RANBP2: variants seen among roughly 807,000 people sequenced by gnomAD.
RANBP2 encodes E3 SUMO-protein ligase RanBP2.
In RANBP2, 57 loss-of-function variants were observed where a neutral mutation model predicts 303.6. That is an observed-to-expected ratio of 0.19 (90% CI 0.15 to 0.23). The LOEUF (loss-of-function observed/expected upper bound fraction) is 0.23. Ranked by LOEUF, RANBP2 falls within the 10% of genes least tolerant of loss-of-function variation. The pLI, the probability that RANBP2 is intolerant of heterozygous loss-of-function variation, is 1.00. For synonymous variants in RANBP2, 1,167 were observed against 1,301.5 expected (o/e 0.90, Z 2.23); for missense variants, 3,138 against 3,780.8 (o/e 0.83, Z 4.46).
At chr2:109,716,636 T>G in the RANBP2 span, among the ~76,000 whole-genome samples, 2 of 152,140 alleles carry the variant, frequency 1.3e-5, no homozygotes, top group East Asian at 3.9e-4. Context: ...AGCCTCCACC[T>G]CCCAGGCTCA....
At chr2:109,229,441 T>A in the RANBP2 span, among the ~76,000 whole-genome samples, 1 of 152,238 alleles carries the variant, frequency 6.6e-6, no homozygotes, top group Non-Finnish European at 1.5e-5. Flanking sequence ...AGCTGTCATG[T>A]CTCCATGGAC....
the RANBP2 span, among the ~76,000 whole-genome samples, chr2:109,404,836 C>T: frequency 6.6e-6 from 1 of 152,176 alleles, no homozygotes; most frequent in African/African-American, 2.4e-5. Context: ...ATGCCCTGTC[C>T]AGCATCCTCC....
the RANBP2 span, among the ~76,000 whole-genome samples, chr2:108,934,713 ACT>A: frequency 6.6e-6 from 1 of 152,004 alleles, no homozygotes; most frequent in African/African-American, 2.4e-5. Flanking sequence ...TAACCAGCCC[ACT>A]CTCGAGATAA....
chr2:108,793,746 G>A, the RANBP2 span, among the ~76,000 whole-genome samples: 1 of 151,626 alleles, frequency 6.6e-6, no homozygotes, highest in Non-Finnish European at 1.5e-5. Flanking sequence ...ACAGGCACCC[G>A]CCATCACGCC....
chr2:109,325,339 T>C, the RANBP2 span, among the ~76,000 whole-genome samples: 84 of 129,840 alleles, frequency 6.5e-4, no homozygotes, highest in Middle Eastern at 3.7e-3. Flanking sequence ...TTCTTTTTTT[T>C]TTTTTTTTTT....
the RANBP2 span, among the ~76,000 whole-genome samples, chr2:109,365,514 C>T: frequency 6.6e-6 from 1 of 152,116 alleles, no homozygotes; most frequent in African/African-American, 2.4e-5. Context: ...GTTTGTTCAG[C>T]TTTTTTACTC....
At chr2:109,112,480 G>C in the RANBP2 span, among the ~76,000 whole-genome samples, 3 of 152,216 alleles carry the variant, frequency 2.0e-5, no homozygotes, top group East Asian at 3.9e-4. Flanking sequence ...TGATGGGGTT[G>C]TTTGTTTTTT....
the RANBP2 span, among the ~76,000 whole-genome samples, chr2:109,493,608 C>T: frequency 1.3e-5 from 2 of 151,340 alleles, no homozygotes; most frequent in Non-Finnish European, 2.9e-5. Flanking sequence ...AAACCACACA[C>T]ACTGCAAACN....
chr2:109,072,927 C>A, the RANBP2 span, among the ~76,000 whole-genome samples: 1 of 151,884 alleles, frequency 6.6e-6, no homozygotes, highest in African/African-American at 2.4e-5. Flanking sequence ...TGAGAGGCAC[C>A]CAGACTCTCT....
At chr2:109,109,421 G>A in the RANBP2 span, among the ~76,000 whole-genome samples, 1 of 152,180 alleles carries the variant, frequency 6.6e-6, no homozygotes, top group African/African-American at 2.4e-5. Flanking sequence ...TTTCATTCAG[G>A]ACCTTAATGG....
chr2:109,404,079 G>A, the RANBP2 span, among the ~76,000 whole-genome samples: 2 of 152,200 alleles, frequency 1.3e-5, no homozygotes, highest in Non-Finnish European at 2.9e-5. Context: ...CCCATCTCTG[G>A]CTTGGTGCTG....
At chr2:109,016,047 C>T in the RANBP2 span, among the ~76,000 whole-genome samples, 1 of 152,062 alleles carries the variant, frequency 6.6e-6, no homozygotes, top group Non-Finnish European at 1.5e-5. Flanking sequence ...TTATTTTCTT[C>T]ACAGTTGTGG....
At chr2:109,466,736 T>G in the RANBP2 span, among the ~76,000 whole-genome samples, 34 of 152,344 alleles carry the variant, frequency 2.2e-4, no homozygotes, top group African/African-American at 7.0e-4. Context: ...CAATTCATTC[T>G]GAGTGTGTGC....
the RANBP2 span, among the ~76,000 whole-genome samples, chr2:109,366,398 T>A: frequency 1.3e-5 from 2 of 152,180 alleles, no homozygotes; most frequent in African/African-American, 4.8e-5. Context: ...TAGACTAAAT[T>A]AAGTGGAAAA....
the RANBP2 span, among the ~76,000 whole-genome samples, chr2:109,060,524 C>T: frequency 6.6e-5 from 10 of 152,216 alleles, no homozygotes; most frequent in African/African-American, 2.4e-4. Flanking sequence ...TTGCTTTTGT[C>T]TCTCTATAGC....
chr2:109,030,281 T>C, the RANBP2 span, among the ~76,000 whole-genome samples: 1 of 152,170 alleles, frequency 6.6e-6, no homozygotes, highest in Admixed American at 6.5e-5. Flanking sequence ...CCTTCAACAT[T>C]TTCCCACTGA....
At chr2:109,615,359 G>A in the RANBP2 span, 6 of 1,612,710 alleles carry the variant, frequency 3.7e-6, no homozygotes, top group Admixed American at 1.7e-5. Flanking sequence ...TCACCTGCGA[G>A]CCCGGCCTGC....
chr2:108,772,685 C>T, intron 22 of RANBP2, 104 bp downstream of exon 22: 1 of 1,288,192 alleles, frequency 7.8e-7, no homozygotes, highest in Non-Finnish European at 1.1e-6. Context: ...TTACGATGCC[C>T]ATGGTGATTT....
At chr2:109,763,181 T>C in the RANBP2 span, among the ~76,000 whole-genome samples, 1 of 150,114 alleles carries the variant, frequency 6.7e-6, no homozygotes, top group Non-Finnish European at 1.5e-5. Context: ...TAAATGACTT[T>C]ACTGAGGTCA....
Sources: gnomAD v4.1 joint callset for allele counts (sites outside exome capture counted in the v4.1 genomes callset) on GRCh38, gnomAD v4.1.1 for gene constraint, MANE v1.5 for transcripts, NCBI Gene and HGNC (gene_info 2026-07-23, HGNC 2026-07-21) for gene names.